Variants in ZNF343 observed in about 807,000 individuals in gnomAD.
ZNF343 encodes the protein zinc finger protein 343.
In ZNF343, 11 loss-of-function variants were observed where a neutral mutation model predicts 13.8. The ratio of observed to expected loss-of-function variants is 0.80; its 90% confidence interval spans 0.50 to 1.32. ZNF343 has a LOEUF of 1.32. ZNF343 is among the 40% of genes most tolerant of loss of function. The pLI is 0.00. For missense variants in ZNF343, 658 were observed against 714.2 expected, an observed-to-expected ratio of 0.92 and a Z score of 0.90; for synonymous variants, 248 against 260.0, an observed-to-expected ratio of 0.95 and a Z score of 0.44.
At chr20:2,512,579 A>G (rs189444355), upstream of ZNF343, among the ~76,000 whole-genome samples, 133 of 152,320 alleles carry the variant, frequency 8.7e-4, 1 homozygote, top group African/African-American at 3.0e-3. Context: ...TAGCCTTTTC[A>G]ATAAATCATG....
In ZNF343 at chr20:2,484,338, T is replaced by A. The variant is rs61745440; in HGVS notation, c.623A>T (p.Asn208Ile). The change falls in exon 6 of 6, where the codon AAC becomes ATC. Residue 208 changes from asparagine (N) to isoleucine (I), a missense_variant. By Grantham distance (149) the Asn-to-Ile change is moderately radical. Coordinates refer to ENST00000278772, the MANE Select transcript of ZNF343 (RefSeq NM_024325.6). ...QRQSASPRKG[N>I]MVVETEPSSA... The stretch of plus-strand genomic sequence containing the variant: ...GCTGGGCTCTGTTTCTACCACCATG[T>A]TGCCTTTTCTAGGACTTGCTGACTG... The A allele has an allele frequency of 6.2e-7, 1 of 1,614,240 alleles. No individual in the cohort carries two copies. The highest frequency in any genetic ancestry group is 1.1e-5 in the South Asian group (1 of 91,090).
chr20:2,486,280 A>G (rs1479363493), intron 5 of ZNF343, among the ~76,000 whole-genome samples: 1 of 152,150 alleles, frequency 6.6e-6, no homozygotes, highest in African/African-American at 2.4e-5. Context: ...ACTCACTATG[A>G]TTCTAATCCC....
intron 1 of ZNF343, among the ~76,000 whole-genome samples, chr20:2,504,891 C>A (rs2085629491): frequency 1.3e-5 from 2 of 152,174 alleles, no homozygotes; most frequent in African/African-American, 4.8e-5. Flanking sequence ...AAAACTGGCA[C>A]AAGACAGGGA....
At chr20:2,495,210 T>A (rs1281981243) in intron 2 of ZNF343, among the ~76,000 whole-genome samples, 1 of 152,202 alleles carries the variant, frequency 6.6e-6, no homozygotes, top group Non-Finnish European at 1.5e-5. Flanking sequence ...ATATTGCAAT[T>A]TCTCTATTTA....
intron 1 of ZNF343, among the ~76,000 whole-genome samples, chr20:2,520,633 C>G (rs921616919): frequency 2.6e-5 from 4 of 152,078 alleles, no homozygotes; most frequent in Admixed American, 6.6e-5. Context: ...TAGATATGCT[C>G]TAACTCATCT....
In ZNF343 at chr20:2,483,695, T is replaced by C; in HGVS notation, c.1266A>G (p.Ser422=). The change falls in exon 6 of 6, where the codon TCA becomes TCG. Residue 422 remains serine, a synonymous_variant. Coordinates refer to ENST00000278772, the MANE Select transcript of ZNF343 (RefSeq NM_024325.6). ...GTGTCCTCTGGTGTTTGATGAGATC[T>C]GAGTTCTGGCTAAAGCCTCGCCCAC... is the stretch of plus-strand genomic sequence containing the variant. ...RECGRGFSQN[S]DLIKHQRTHL... 1.2e-6 allele frequency: 2 copies of C among 1,610,414 alleles called. No homozygotes were observed. The highest frequency in any genetic ancestry group is 1.3e-5 in the African/African-American group (1 of 74,636).
Position 2,484,239 on chromosome 20 carries a change from A to T in ZNF343, c.722T>A (p.Ile241Asn). 1 of 1,614,146 alleles carries T rather than the reference A, an allele frequency of 6.2e-7. No individual in the cohort carries two copies. Among genetic ancestry groups the T allele is most frequent in the Non-Finnish European group, 8.5e-7 (1 of 1,180,038 alleles). The change falls in exon 6 of 6, where the codon ATC becomes AAC. Residue 241 changes from isoleucine to asparagine, a missense_variant. Transcript: ENST00000278772. ...GTCCGGTTCATACTCTCTACAGTTG[A>T]TTGCTCCAAATCTCAAGGTTTCTAA... Reference protein sequence around the residue: ...KELETLRFGAINCREYEPDHN... With the variant: ...KELETLRFGANNCREYEPDHN...
At chr20:2,519,480 A>C (rs1216961571) in intron 1 of ZNF343, among the ~76,000 whole-genome samples, 2 of 152,238 alleles carry the variant, frequency 1.3e-5, no homozygotes, top group East Asian at 3.8e-4. Context: ...ATTCTTCAGC[A>C]GACTGCCTTT....
intron 1 of ZNF343, among the ~76,000 whole-genome samples, chr20:2,504,319 A>G (rs1412203394): frequency 6.6e-6 from 1 of 152,190 alleles, no homozygotes; most frequent in Admixed American, 6.5e-5. Flanking sequence ...TAGCTTACCA[A>G]CCAAAAAAAG....
intron 5 of ZNF343, among the ~76,000 whole-genome samples, chr20:2,490,238 A>G (rs938874080): frequency 6.6e-6 from 1 of 152,162 alleles, no homozygotes; most frequent in Non-Finnish European, 1.5e-5. Flanking sequence ...GGGGAAACTC[A>G]TTCAAGTTCT....
At chr20:2,504,753 C>G (rs368023530) in intron 1 of ZNF343, among the ~76,000 whole-genome samples, 28 of 152,244 alleles carry the variant, frequency 1.8e-4, no homozygotes, top group South Asian at 8.3e-4. Context: ...ATTCAACAAC[C>G]CTTCATGCTA....
rs1215639587 is a variant in ZNF343 at position 2,502,379 on chromosome 20, A to G, written c.-236-1637T>C. ...ATGGGGAGAATGGAACCAAGTTGGA[A>G]AACACTCTGCAGGATATTATCCAGG... On this transcript the variant is annotated intron_variant, in intron 1 of 5. Coordinates refer to ENST00000278772, the MANE Select transcript of ZNF343 (RefSeq NM_024325.6). 8.5e-5 allele frequency among the ~76,000 whole-genome samples: 13 copies of G among 152,232 alleles called. No homozygotes were observed. The South Asian group carries it at 2.5e-3, about 29-fold the overall frequency.
At chr20:2,512,088 A>G (rs1238375125), upstream of ZNF343, among the ~76,000 whole-genome samples, 1 of 152,260 alleles carries the variant, frequency 6.6e-6, no homozygotes. Flanking sequence ...AAAAAGAATA[A>G]CATATTTAGG....
At chr20:2,510,360 G>C (rs2085731194), upstream of ZNF343, among the ~76,000 whole-genome samples, 1 of 152,216 alleles carries the variant, frequency 6.6e-6, no homozygotes, top group African/African-American at 2.4e-5. Context: ...TCCCAGTCCA[G>C]TTCAATATTA....
chr20:2,493,648 G>T (rs1459351489), intron 3 of ZNF343, 71 bp from the exon 4 acceptor site: 2 of 1,323,888 alleles, frequency 1.5e-6, no homozygotes, highest in Non-Finnish European at 2.1e-6. Context: ...GACGCTCCCT[G>T]AGCAGCTCTT....
chr20:2,491,028 A>C (rs145219966), intron 5 of ZNF343, among the ~76,000 whole-genome samples: 5 of 152,228 alleles, frequency 3.3e-5, no homozygotes, highest in Admixed American at 3.3e-4. Flanking sequence ...TGATTAAATC[A>C]TATCAGGGAA....
upstream of ZNF343, among the ~76,000 whole-genome samples, chr20:2,511,623 C>T (rs2085739652): frequency 6.6e-6 from 1 of 152,092 alleles, no homozygotes; most frequent in South Asian, 2.1e-4. Context: ...ATCTCTGTCC[C>T]TTCTGTTTAA....
intron 1 of ZNF343, among the ~76,000 whole-genome samples, chr20:2,504,390 A>G (rs1200650298): frequency 6.6e-6 from 1 of 152,212 alleles, no homozygotes; most frequent in Non-Finnish European, 1.5e-5. Flanking sequence ...AGCTGGTACC[A>G]TTCCTTCTGA....
At chr20:2,513,644 G>A (rs2085747412), upstream of ZNF343, among the ~76,000 whole-genome samples, 1 of 152,172 alleles carries the variant, frequency 6.6e-6, no homozygotes, top group Non-Finnish European at 1.5e-5. Context: ...ATGCCCCAAA[G>A]AATTGAAAAC....
Sources: allele counts gnomAD v4.1 joint callset (sites outside exome capture counted in the v4.1 genomes callset), GRCh38; gene constraint gnomAD v4.1.1; transcripts MANE v1.5; gene names NCBI Gene and HGNC (gene_info 2026-07-23, HGNC 2026-07-21).